Variants in TDRKH observed in about 807,000 individuals in gnomAD.
The protein encoded by TDRKH is tudor and KH domain-containing protein.
A neutral mutation model predicts 61.3 loss-of-function variants in TDRKH; 28 were observed. The ratio of observed to expected loss-of-function variants is 0.46; its 90% CI spans 0.34 to 0.63. TDRKH has a LOEUF of 0.63. Ranked by LOEUF, TDRKH falls within the 20% of genes least tolerant of loss-of-function variation. The pLI is 0.01. For missense variants in TDRKH, 540 were observed against 683.4 expected, an observed-to-expected ratio of 0.79 and a Z score of 2.34; for synonymous variants, 219 against 244.4, an observed-to-expected ratio of 0.90 and a Z score of 0.97.
At chr1:151,782,275 C>T (rs983973477) in intron 2 of TDRKH, among the ~76,000 whole-genome samples, 9 of 151,526 alleles carry the variant, frequency 5.9e-5, no homozygotes, top group Admixed American at 2.6e-4. Flanking sequence ...GGTGAAACCC[C>T]GTCTCTACTA....
At chr1:151,784,933 G>GTTT (rs377380901) in intron 1 of TDRKH, among the ~76,000 whole-genome samples, 5 of 126,520 alleles carry the variant, frequency 4.0e-5, no homozygotes, top group East Asian at 2.3e-4. Flanking sequence ...ATGGCAATTC[G>GTTT]TTTTTTTTTT....
intron 3 of TDRKH, 137 bp downstream of exon 3, chr1:151,781,344 T>TATATATATAGATA (rs61409858): frequency 5.5e-6 from 1 of 182,706 alleles, no homozygotes; most frequent in African/African-American, 2.6e-5. Flanking sequence ...TATATATATA[T>TATATATATAGATA]TTTATATATA....
intron 1 of TDRKH, among the ~76,000 whole-genome samples, chr1:151,786,359 G>C (rs1454588271): frequency 6.6e-6 from 1 of 152,206 alleles, no homozygotes; most frequent in Non-Finnish European, 1.5e-5. Flanking sequence ...GCTACTAAGT[G>C]ACTAAGAGGC....
At chr1:151,785,554 A>T (rs1164152401) in intron 1 of TDRKH, among the ~76,000 whole-genome samples, 1 of 152,226 alleles carries the variant, frequency 6.6e-6, no homozygotes, top group Non-Finnish European at 1.5e-5. Context: ...ATGCCAGGCA[A>T]ATTACATAAT....
downstream of TDRKH, chr1:151,771,304 T>G (rs1648694614): frequency 3.2e-6 from 5 of 1,555,698 alleles, no homozygotes; most frequent in Non-Finnish European, 3.5e-6. Flanking sequence ...ACACTTTCCA[T>G]CCTAGGAATA....
chr1:151,775,918 G>T, intron 8 of TDRKH, 34 bp from the exon 9 acceptor site: 1 of 1,605,176 alleles, frequency 6.2e-7, no homozygotes, highest in Non-Finnish European at 8.5e-7. Flanking sequence ...AGAATCCTGG[G>T]GCCAAAAACA....
rs946350900 is a variant in TDRKH, at chr1:151,774,875, A to T, written c.1537-69T>A. ...TTAGGAAAAAAGAGGCCACCCTTTC[A>T]TTCTTCTCATAGGACCTGGTTAAGG... is the stretch of plus-strand genomic sequence containing the variant. On this transcript the variant is annotated intron_variant, in intron 11 of 12. Transcript: ENST00000368824. 3.2e-6 allele frequency: 5 copies of T among 1,546,876 alleles called. No individual in the cohort carries two copies. In the Admixed American group the frequency reaches 5.1e-5, roughly 16 times the overall value.
downstream of TDRKH, among the ~76,000 whole-genome samples, chr1:151,768,751 G>T (rs991969581): frequency 2.0e-5 from 3 of 152,320 alleles, no homozygotes; most frequent in Middle Eastern, 3.4e-3. Flanking sequence ...ATAGTGGAGG[G>T]AAGGTCAGCA....
Position 151,775,175 on chromosome 1 carries a change from A to C in TDRKH, c.1435-9T>G. ...AGCCCAATATCAAGTTTCTGAGAAG[A>C]AAAATGAAAAGGGAATGATGTTCTC... On this transcript the variant is annotated splice_polypyrimidine_tract_variant and intron_variant, in intron 10 of 12. Transcript: ENST00000368824. 1.9e-6 allele frequency: 3 copies of C among 1,613,786 alleles called. No individual in the cohort carries two copies. Among genetic ancestry groups the C allele is most frequent in the Non-Finnish European group, 2.5e-6 (3 of 1,179,758 alleles).
At chr1:151,769,192 G>A (rs1389623743), downstream of TDRKH, among the ~76,000 whole-genome samples, 3 of 151,910 alleles carry the variant, frequency 2.0e-5, no homozygotes, top group Non-Finnish European at 4.4e-5. Flanking sequence ...CCTCCCAGAC[G>A]GTGTGGCGGC....
intron 3 of TDRKH, among the ~76,000 whole-genome samples, 153 bp downstream of exon 3, chr1:151,781,328 A>AAAAAATATATATATATATATATAT (rs1491536697): frequency 4.4e-5 from 3 of 68,590 alleles, no homozygotes; most frequent in Non-Finnish European, 1.0e-4. Context: ...AAAAAAAAAA[A>AAAAAATATATATATATATATATAT]ATATATATAT....
chr1:151,767,843 A>G (rs1367482485), downstream of TDRKH: 2 of 609,202 alleles, frequency 3.3e-6, no homozygotes, highest in Non-Finnish European at 5.6e-6. Flanking sequence ...AGGCAGTAAT[A>G]CTGCCTCAGC....
downstream of TDRKH, chr1:151,770,246 G>T (rs768996444): frequency 3.1e-6 from 5 of 1,613,498 alleles, no homozygotes; most frequent in Non-Finnish European, 4.2e-6. Context: ...CAGAATGATC[G>T]GAACGACAGA....
chr1:151,790,214 T>C (rs1650784872), intron 1 of TDRKH, among the ~76,000 whole-genome samples, 166 bp downstream of exon 1: 1 of 152,100 alleles, frequency 6.6e-6, no homozygotes, highest in Admixed American at 6.5e-5. Context: ...GTGGGTCAAG[T>C]TGCCCCCGAG....
chr1:151,775,515 A>G lies in TDRKH; in HGVS notation c.1311T>C (p.Asp437=). The G allele has an allele frequency of 6.2e-7, 1 of 1,613,640 alleles. No homozygotes were observed. The highest frequency in any genetic ancestry group is 8.5e-7 in the Non-Finnish European group (1 of 1,179,858). The change falls in exon 10 of 13, where the codon GAT becomes GAC. Residue 437 remains aspartate, a synonymous_variant. Coordinates refer to ENST00000368824, the MANE Select transcript of TDRKH (RefSeq NM_001083965.2). ...SGDQWEEEAL[D]EFDRLTHCAD... is the part of the protein sequence containing the mutation. ...CACAATGAGTGAGTCTATCAAACTCATCCAAAGCTTCCTCTTCCCACTGGT... is the reference window on the plus strand; with the variant it reads ...CACAATGAGTGAGTCTATCAAACTCGTCCAAAGCTTCCTCTTCCCACTGGT...
intron 1 of TDRKH, 165 bp from the exon 2 acceptor site, chr1:151,783,214 G>A (rs1650005815): frequency 1.7e-5 from 8 of 473,990 alleles, no homozygotes; most frequent in Admixed American, 1.4e-4. Context: ...AAGGGCTCAG[G>A]GTATTTTTTA....
intron 1 of TDRKH, among the ~76,000 whole-genome samples, chr1:151,789,712 T>C (rs376145193): frequency 8.5e-5 from 13 of 152,312 alleles, no homozygotes; most frequent in African/African-American, 2.4e-4. Flanking sequence ...CATGAAAGCA[T>C]AGATAACTCA....
intron 6 of TDRKH, 123 bp downstream of exon 6, chr1:151,778,562 G>A: frequency 1.9e-6 from 3 of 1,562,318 alleles, no homozygotes; most frequent in East Asian, 2.2e-5. Flanking sequence ...CGAATCTTCT[G>A]TCCTGACCCC....
downstream of TDRKH, chr1:151,770,930 C>G: frequency 1.8e-6 from 2 of 1,137,310 alleles, no homozygotes; most frequent in South Asian, 2.4e-5. Context: ...AGAGTTAGAG[C>G]CTAGGTCTGT....
Sources: gnomAD v4.1 joint callset for allele counts (sites outside exome capture counted in the v4.1 genomes callset) on GRCh38, gnomAD v4.1.1 for gene constraint, MANE v1.5 for transcripts, NCBI Gene and HGNC (gene_info 2026-07-23, HGNC 2026-07-21) for gene names.